ABCG2: variants seen among roughly 807,000 people sequenced by gnomAD.
The protein encoded by ABCG2 is broad substrate specificity ATP-binding cassette transporter ABCG2.
A neutral mutation model predicts 73.5 loss-of-function variants in ABCG2; 80 were observed. The ratio of observed to expected loss-of-function variants is 1.09; its 90% CI spans 0.91 to 1.31. ABCG2 has a LOEUF of 1.31. Ranked by LOEUF, ABCG2 falls within the 50% of genes most tolerant of loss-of-function variation. The probability of loss-of-function intolerance (pLI) is 0.00; values close to 1 mark genes in which losing one functional copy is unlikely to be tolerated. For missense variants in ABCG2, 796 were observed against 786.2 expected (o/e 1.01, Z -0.15); for synonymous variants, 269 against 282.4 (o/e 0.95, Z 0.48).
chr4:88,131,873 GATA>G lies in ABCG2; in HGVS notation c.305_307del (p.Leu102del), dbSNP rs749074058. The G allele has an allele frequency of 1.2e-6, 2 of 1,613,954 alleles. No homozygotes were observed. Among genetic ancestry groups the G allele is most frequent in the South Asian group, 2.2e-5 (2 of 91,062 alleles). The stretch of plus-strand genomic sequence containing the variant: ...TGCTCCATTTATCAGAACATCTCCA[GATA>G]ATCCACTTGGATCTTTCCTTGCAGC... On this transcript the variant is annotated inframe_deletion, in exon 4 of 16. Coordinates refer to ENST00000237612, the MANE Select transcript of ABCG2 (RefSeq NM_004827.3).
At chr4:88,229,575 A>G (rs1269808051) in intron 1 of ABCG2, among the ~76,000 whole-genome samples, 1 of 152,182 alleles carries the variant, frequency 6.6e-6, no homozygotes, top group African/African-American at 2.4e-5. Flanking sequence ...ACGCCCATGC[A>G]TGTGTGGGAA....
At chr4:88,212,908 A>AT (rs1360547296) in intron 1 of ABCG2, among the ~76,000 whole-genome samples, 33 of 151,972 alleles carry the variant, frequency 2.2e-4, no homozygotes, top group East Asian at 7.7e-4. Context: ...TTGAATTTTT[A>AT]TTTTTTTTGA....
At chr4:88,112,810 C>T (rs1410405823) in intron 9 of ABCG2, among the ~76,000 whole-genome samples, 2 of 151,964 alleles carry the variant, frequency 1.3e-5, no homozygotes, top group African/African-American at 4.8e-5. Flanking sequence ...TCTAAGAAAC[C>T]ACTAAAAAAA....
At chr4:88,218,736 C>A (rs1340248509) in intron 1 of ABCG2, among the ~76,000 whole-genome samples, 3 of 152,182 alleles carry the variant, frequency 2.0e-5, no homozygotes, top group African/African-American at 7.2e-5. Flanking sequence ...ATAATAGTCT[C>A]CAATCCCAAT....
rs374946075 is a variant in ABCG2 at position 88,118,522 on chromosome 4, A to T, written c.690-262T>A. Among the ~76,000 whole-genome samples the T allele has an allele frequency of 4.1e-4, 62 of 152,362 alleles. 2 individuals are homozygous for T. The South Asian group carries it at 0.012, about 29-fold the overall frequency. On this transcript the variant is annotated intron_variant, in intron 6 of 15. Coordinates refer to ENST00000237612, the MANE Select transcript of ABCG2 (RefSeq NM_004827.3). Reference sequence around the variant, plus strand: ...TTATTAAAAATGCAGATTCTAGGACAGTCTTCCCAGACATTGAATTAGAAT... The same window carrying T: ...TTATTAAAAATGCAGATTCTAGGACTGTCTTCCCAGACATTGAATTAGAAT...
intron 1 of ABCG2, among the ~76,000 whole-genome samples, chr4:88,214,159 T>C (rs971986406): frequency 4.6e-5 from 7 of 151,642 alleles, no homozygotes; most frequent in African/African-American, 1.7e-4. Context: ...GGCTAATTTC[T>C]GTATTTTTTG....
At chr4:88,136,689 A>AGAGCAAACCT (rs1246770413) in intron 2 of ABCG2, among the ~76,000 whole-genome samples, 1 of 151,748 alleles carries the variant, frequency 6.6e-6, no homozygotes. Flanking sequence ...CTGGGCAACA[A>AGAGCAAACCT]CGTAAGACCT....
intron 9 of ABCG2, among the ~76,000 whole-genome samples, chr4:88,110,558 G>T (rs772384377): frequency 1.5e-4 from 23 of 152,018 alleles, no homozygotes; most frequent in Non-Finnish European, 3.2e-4. Context: ...AAAAAAGGGG[G>T]TCTTGCTTTA....
chr4:88,142,780 C>G (rs1725730920), intron 1 of ABCG2, among the ~76,000 whole-genome samples: 1 of 152,110 alleles, frequency 6.6e-6, no homozygotes, highest in Non-Finnish European at 1.5e-5. Context: ...AACCCCATCT[C>G]TATCAAAAAT....
intron 1 of ABCG2, among the ~76,000 whole-genome samples, chr4:88,187,957 T>A (rs1728532488): frequency 6.6e-6 from 1 of 152,214 alleles, no homozygotes; most frequent in Admixed American, 6.5e-5. Flanking sequence ...TTTTTAGTCA[T>A]CGTAATATCT....
intron 1 of ABCG2, among the ~76,000 whole-genome samples, chr4:88,219,576 ATTT>A (rs5860122): frequency 8.8e-5 from 8 of 90,872 alleles, no homozygotes; most frequent in African/African-American, 2.6e-4. Flanking sequence ...TACCATTCAA[ATTT>A]TTTTTTTTTT....
intron 10 of ABCG2, among the ~76,000 whole-genome samples, chr4:88,105,525 G>A (rs976462403): frequency 2.0e-5 from 3 of 152,176 alleles, no homozygotes; most frequent in African/African-American, 7.2e-5. Context: ...AGGTTTTTAA[G>A]GGTCCACTGT....
At chr4:88,191,807 C>A (rs1423562352) in intron 1 of ABCG2, among the ~76,000 whole-genome samples, 1 of 152,180 alleles carries the variant, frequency 6.6e-6, no homozygotes, top group Non-Finnish European at 1.5e-5. Context: ...ATTCATGCTA[C>A]AAGATGGATA....
chr4:88,157,539 ACTCT>A (rs1727028064), intron 1 of ABCG2, among the ~76,000 whole-genome samples: 1 of 152,188 alleles, frequency 6.6e-6, no homozygotes, highest in African/African-American at 2.4e-5. Flanking sequence ...ATTTTCAGTA[ACTCT>A]CAAATTATTT....
chr4:88,094,463 G>A (rs1721849057), intron 15 of ABCG2, 114 bp downstream of exon 15: 5 of 822,394 alleles, frequency 6.1e-6, no homozygotes, highest in South Asian at 5.2e-5. Flanking sequence ...GAAAACGTAG[G>A]CTCGGAAAAA....
rs568545554 is a variant in ABCG2, at chr4:88,091,954, A to G, written c.*280T>C. On this transcript the variant is annotated 3_prime_UTR_variant, in exon 16 of 16. Coordinates refer to ENST00000237612, the MANE Select transcript of ABCG2 (RefSeq NM_004827.3). The stretch of plus-strand genomic sequence containing the variant: ...TAATAACTTGTCAGGAGTTTCCAGA[A>G]TTCAATTCTCCTTTTTTAGATTAAT... 3 of 268,348 alleles carry G rather than the reference A, an allele frequency of 1.1e-5. No homozygotes were observed. Among genetic ancestry groups the G allele is most frequent in the Admixed American group, 4.8e-5 (1 of 20,712 alleles). The allele number at this position is 268,348 out of a possible 1,614,324, so 16.6% of individuals were successfully genotyped here. A position where few individuals can be genotyped will look rare whatever the true frequency, so the allele number is the denominator to read the frequency against.
chr4:88,226,530 G>T (rs920110524), intron 1 of ABCG2, among the ~76,000 whole-genome samples: 3 of 152,208 alleles, frequency 2.0e-5, no homozygotes, highest in Non-Finnish European at 4.4e-5. Flanking sequence ...GATACTCTGT[G>T]TCCTGCACTG....
upstream of ABCG2, among the ~76,000 whole-genome samples, chr4:88,162,899 C>T (rs188716907): frequency 1.3e-5 from 2 of 152,240 alleles, no homozygotes; most frequent in Admixed American, 1.3e-4. Flanking sequence ...GAGTCACTGC[C>T]CAGTATTTAT....
chr4:88,138,019 A>C (rs978025341), intron 2 of ABCG2, among the ~76,000 whole-genome samples: 2 of 152,032 alleles, frequency 1.3e-5, no homozygotes, highest in African/African-American at 4.8e-5. Flanking sequence ...TTAGCCAGGC[A>C]TTGTGGCATC....
Sources: gnomAD v4.1 joint callset for allele counts (sites outside exome capture counted in the v4.1 genomes callset) on GRCh38, gnomAD v4.1.1 for gene constraint, MANE v1.5 for transcripts, NCBI Gene and HGNC (gene_info 2026-07-23, HGNC 2026-07-21) for gene names.